The following DLGAP2 variants were observed in gnomAD, a reference collection of about 807,000 sequenced individuals.
DLGAP2 encodes disks large-associated protein 2.
Under a neutral mutation model 100.3 loss-of-function variants are expected in DLGAP2, and 26 were observed. The observed-to-expected ratio is 0.26, with a 90% CI of 0.19 to 0.36. The LOEUF (loss-of-function observed/expected upper bound fraction) is 0.36, where lower values mean the gene tolerates loss of function less well. DLGAP2 is among the 10% of genes least tolerant of loss of function. The probability of loss-of-function intolerance (pLI) is 1.00; values close to 1 mark genes in which losing one functional copy is unlikely to be tolerated. For missense variants in DLGAP2, 1,858 were observed against 1,453.2 expected (o/e 1.28, Z -4.53); for synonymous variants, 886 against 630.1 (o/e 1.41, Z -6.08).
intron 2 of DLGAP2, among the ~76,000 whole-genome samples, chr8:1,101,607 G>A (rs912426538): frequency 3.9e-5 from 6 of 152,082 alleles, no homozygotes; most frequent in Admixed American, 1.3e-4. Context: ...CACGACAATG[G>A]GAAGGTCCTC....
intron 4 of DLGAP2, among the ~76,000 whole-genome samples, chr8:1,542,893 C>A (rs1801409773): frequency 6.6e-6 from 1 of 152,170 alleles, no homozygotes; most frequent in Admixed American, 6.5e-5. Flanking sequence ...GTGTCCTTTT[C>A]CCTCTGTCCA....
At chr8:1,620,290 C>G (rs1459002838) in intron 6 of DLGAP2, 2 of 152,258 alleles carry the variant, frequency 1.3e-5, no homozygotes, top group African/African-American at 4.8e-5. Flanking sequence ...CCGGGCTCCT[C>G]CTGTCCCTCG....
At position 1,423,422 on chromosome 8, in the gene DLGAP2, A is replaced by T. The variant is rs556944048; in HGVS notation, c.107-77944A>T. The stretch of plus-strand genomic sequence containing the variant: ...GTTTGCATTTCCCACCACATCCCAT[A>T]GCCCACTTTGTGCTCCGCGAGGTCT... On this transcript the variant is annotated intron_variant, in intron 3 of 14. Coordinates refer to ENST00000637795, the MANE Select transcript of DLGAP2 (RefSeq NM_001346810.2). Among the ~76,000 whole-genome samples, 23 of 152,290 alleles carry T rather than the reference A, an allele frequency of 1.5e-4. No homozygotes were observed. In the South Asian group the frequency reaches 2.3e-3, roughly 15 times the overall value.
At chr8:1,349,079 G>A (rs1405469324) in intron 3 of DLGAP2, among the ~76,000 whole-genome samples, 1 of 151,712 alleles carries the variant, frequency 6.6e-6, no homozygotes, top group African/African-American at 2.4e-5. Context: ...AGTCACCTCA[G>A]CAGTGTGCTG....
chr8:1,518,002 G>C (rs941817108), intron 4 of DLGAP2, among the ~76,000 whole-genome samples: 3 of 152,204 alleles, frequency 2.0e-5, no homozygotes, highest in African/African-American at 7.2e-5. Context: ...AGGCAGATTT[G>C]TGGACTATTT....
At chr8:1,091,374 G>A (rs899815366) in intron 2 of DLGAP2, among the ~76,000 whole-genome samples, 1 of 152,236 alleles carries the variant, frequency 6.6e-6, no homozygotes, top group Non-Finnish European at 1.5e-5. Flanking sequence ...ACATGGGGGA[G>A]GCCAGTGTTT....
intron 3 of DLGAP2, among the ~76,000 whole-genome samples, chr8:1,303,110 G>T (rs570826371): frequency 6.6e-6 from 1 of 152,318 alleles, no homozygotes; most frequent in East Asian, 1.9e-4. Flanking sequence ...ATAAAAAGGA[G>T]GAAGGGGTGG....
intron 2 of DLGAP2, among the ~76,000 whole-genome samples, chr8:1,056,306 T>C (rs1802882004): frequency 6.6e-6 from 1 of 152,160 alleles, no homozygotes; most frequent in African/African-American, 2.4e-5. Context: ...CATCCCATAG[T>C]TTCACATAAC....
At chr8:1,113,637 C>T (rs73524664) in intron 2 of DLGAP2, among the ~76,000 whole-genome samples, 1 of 152,156 alleles carries the variant, frequency 6.6e-6, no homozygotes, top group African/African-American at 2.4e-5. Flanking sequence ...ATCTTGTCAT[C>T]TACAAACAGG....
intron 3 of DLGAP2, among the ~76,000 whole-genome samples, chr8:1,355,614 C>T (rs1432117346): frequency 3.3e-5 from 5 of 152,146 alleles, no homozygotes; most frequent in Admixed American, 6.5e-5. Context: ...CCACCTGTCT[C>T]GGCCTCCCAG....
chr8:1,701,611 T>C lies in DLGAP2; in HGVS notation c.*205T>C, dbSNP rs1799574422. 1.6e-5 allele frequency: 10 copies of C among 609,146 alleles called. No homozygotes were observed. The East Asian group carries it at 2.9e-4, about 18-fold the overall frequency. 37.7% of individuals were successfully genotyped at this position (609,146 alleles called of 1,614,324 possible). On this transcript the variant is annotated 3_prime_UTR_variant, in exon 15 of 15. Transcript: ENST00000637795. ...CGAGGACGACTTCTGCTTTTGTTGT[T>C]GTTGTTGTTGTTCACGGGTGGCCTG...
At chr8:1,422,197 A>C (rs2129939110) in intron 3 of DLGAP2, among the ~76,000 whole-genome samples, 1 of 152,260 alleles carries the variant, frequency 6.6e-6, no homozygotes, top group Non-Finnish European at 1.5e-5. Flanking sequence ...GGCCGCTAGG[A>C]GAGAAAGACA....
intron 1 of DLGAP2, among the ~76,000 whole-genome samples, chr8:771,709 G>C (rs1255022549): frequency 6.6e-6 from 1 of 152,198 alleles, no homozygotes; most frequent in Admixed American, 6.5e-5. Flanking sequence ...CCACTGTTAG[G>C]TGAAAATATT....
chr8:821,076 T>C (rs1038134535), intron 1 of DLGAP2, among the ~76,000 whole-genome samples: 2 of 152,234 alleles, frequency 1.3e-5, no homozygotes, highest in Non-Finnish European at 2.9e-5. Flanking sequence ...GTTTGTTTAT[T>C]ATTTTATAAT....
intron 3 of DLGAP2, among the ~76,000 whole-genome samples, chr8:1,436,422 G>A (rs186978056): frequency 6.6e-6 from 1 of 152,134 alleles, no homozygotes; most frequent in East Asian, 1.9e-4. Context: ...TCCTAGCCGT[G>A]CTGGCAGCCG....
chr8:1,013,285 G>A (rs1297500232), intron 2 of DLGAP2, among the ~76,000 whole-genome samples: 1 of 152,206 alleles, frequency 6.6e-6, no homozygotes, highest in Admixed American at 6.5e-5. Flanking sequence ...GTACTGCCCT[G>A]TGCAGGATAC....
chr8:1,509,956 T>C (rs1438550380), intron 4 of DLGAP2, among the ~76,000 whole-genome samples: 1 of 152,162 alleles, frequency 6.6e-6, no homozygotes, highest in Admixed American at 6.5e-5. Context: ...GAGGAGTCGG[T>C]GTAATACTCC....
intron 2 of DLGAP2, among the ~76,000 whole-genome samples, chr8:1,146,149 G>A (rs1305517420): frequency 6.6e-6 from 1 of 152,158 alleles, no homozygotes; most frequent in Non-Finnish European, 1.5e-5. Context: ...CTGCAGCCAC[G>A]AGGGTGTCAG....
chr8:1,595,464 C>A (rs1267669566), intron 6 of DLGAP2, among the ~76,000 whole-genome samples: 8 of 150,790 alleles, frequency 5.3e-5, no homozygotes, highest in Non-Finnish European at 1.2e-4. Flanking sequence ...GAGATCGAGA[C>A]CATCCTGGCT....
Sources: allele counts gnomAD v4.1 joint callset (sites outside exome capture counted in the v4.1 genomes callset), GRCh38; gene constraint gnomAD v4.1.1; transcripts MANE v1.5; gene names NCBI Gene and HGNC (gene_info 2026-07-23, HGNC 2026-07-21).